Variants in CADM1 observed in about 807,000 individuals in gnomAD.
CADM1 encodes cell adhesion molecule 1.
A neutral mutation model predicts 53.1 loss-of-function variants in CADM1; 15 were observed. The ratio of observed to expected loss-of-function variants is 0.28; its 90% CI spans 0.19 to 0.44. CADM1 has a LOEUF of 0.44. CADM1 is among the 20% of genes least tolerant of loss of function. The pLI, the probability that CADM1 is intolerant of heterozygous loss-of-function variation, is 1.00. For missense variants in CADM1, 434 were observed against 611.3 expected, an observed-to-expected ratio of 0.71 and a Z score of 3.06; for synonymous variants, 281 against 243.0, an observed-to-expected ratio of 1.16 and a Z score of -1.45.
At chr11:115,334,563 TC>T (rs1321583844) in intron 1 of CADM1, among the ~76,000 whole-genome samples, 1 of 152,142 alleles carries the variant, frequency 6.6e-6, no homozygotes, top group African/African-American at 2.4e-5. Flanking sequence ...GTTGTTAATC[TC>T]TTATTGTGCC....
intron 3 of CADM1, among the ~76,000 whole-genome samples, chr11:115,233,245 G>A (rs1417044962): frequency 6.6e-6 from 1 of 152,126 alleles, no homozygotes; most frequent in African/African-American, 2.4e-5. Context: ...TTGCTAATAT[G>A]ATATGGCCCA....
At chr11:115,476,890 A>G (rs966678590) in intron 1 of CADM1, among the ~76,000 whole-genome samples, 7 of 152,246 alleles carry the variant, frequency 4.6e-5, no homozygotes, top group Admixed American at 6.5e-5. Flanking sequence ...ATGACACTCA[A>G]GAAATACATA....
chr11:115,292,104 G>A (rs1943921190), intron 1 of CADM1, among the ~76,000 whole-genome samples: 1 of 152,140 alleles, frequency 6.6e-6, no homozygotes, highest in South Asian at 2.1e-4. Context: ...AACAGCTGGA[G>A]GGGTCATCCA....
intron 1 of CADM1, among the ~76,000 whole-genome samples, chr11:115,483,672 A>G (rs941123002): frequency 6.6e-6 from 1 of 152,212 alleles, no homozygotes; most frequent in African/African-American, 2.4e-5. Context: ...ACCTCCTCTC[A>G]CTAGTTAAAA....
At chr11:115,414,373 A>G (rs551418695) in intron 1 of CADM1, among the ~76,000 whole-genome samples, 49 of 152,306 alleles carry the variant, frequency 3.2e-4, no homozygotes, top group African/African-American at 1.1e-3. Flanking sequence ...GAAACCACTT[A>G]AAAAATTAAT....
intron 1 of CADM1, among the ~76,000 whole-genome samples, chr11:115,381,131 C>A (rs1302279850): frequency 6.6e-6 from 1 of 151,802 alleles, no homozygotes; most frequent in Non-Finnish European, 1.5e-5. Flanking sequence ...CCCATCTCTA[C>A]TAAAAATACA....
At chr11:115,403,619 C>T (rs1030577314) in intron 1 of CADM1, among the ~76,000 whole-genome samples, 8 of 151,792 alleles carry the variant, frequency 5.3e-5, no homozygotes, top group South Asian at 2.1e-4. Flanking sequence ...TTTCTTGAGA[C>T]GGAGTCTCCC....
At chr11:115,305,972 T>C (rs1197953135) in intron 1 of CADM1, among the ~76,000 whole-genome samples, 1 of 149,556 alleles carries the variant, frequency 6.7e-6, no homozygotes, top group African/African-American at 2.5e-5. Flanking sequence ...TTTGATTATA[T>C]AGAATTCCTA....
intron 1 of CADM1, among the ~76,000 whole-genome samples, chr11:115,359,403 G>A (rs560798584): frequency 3.3e-5 from 5 of 152,000 alleles, no homozygotes; most frequent in African/African-American, 9.6e-5. Flanking sequence ...GATATTGCTC[G>A]AGAACCAAGT....
At chr11:115,401,588 A>G (rs1008105835) in intron 1 of CADM1, among the ~76,000 whole-genome samples, 4 of 152,130 alleles carry the variant, frequency 2.6e-5, no homozygotes, top group Admixed American at 2.6e-4. Flanking sequence ...AGCCTAGGTG[A>G]CAGAGCAAGA....
intron 5 of CADM1, among the ~76,000 whole-genome samples, chr11:115,224,895 C>G (rs1392773790): frequency 6.6e-6 from 1 of 152,104 alleles, no homozygotes; most frequent in Non-Finnish European, 1.5e-5. Context: ...TATAATCAAC[C>G]ATGTTGTAAA....
intron 1 of CADM1, among the ~76,000 whole-genome samples, chr11:115,378,738 T>C (rs1391755743): frequency 6.6e-6 from 1 of 152,182 alleles, no homozygotes; most frequent in African/African-American, 2.4e-5. Context: ...TAAAGTTTTA[T>C]TGGAACATAG....
At chr11:115,314,660 TA>T (rs1398711578) in intron 1 of CADM1, among the ~76,000 whole-genome samples, 1 of 152,162 alleles carries the variant, frequency 6.6e-6, no homozygotes, top group Non-Finnish European at 1.5e-5. Flanking sequence ...AGAGTGCCCA[TA>T]ATTTCTGTGC....
chr11:115,482,110 G>A (rs1011273268), intron 1 of CADM1, among the ~76,000 whole-genome samples: 6 of 151,856 alleles, frequency 4.0e-5, no homozygotes, highest in Middle Eastern at 3.2e-3. Context: ...TTGTCTTTCC[G>A]CCCATTATCT....
chr11:115,209,648 G>A lies in CADM1; in HGVS notation c.1004C>T (p.Thr335Ile), dbSNP rs1488063561. ...DYMLYVYDPPTTIPPPTTTTT... is the reference protein window; with the variant it reads ...DYMLYVYDPPITIPPPTTTTT... ...GGTTGTTGTGGGAGGAGGGATAGTT[G>A]TGGGGGGATCTGGATAGAAAAAAAA... Residue 335 changes from threonine to isoleucine, a missense_variant, in exon 8 of 12, where the codon ACA (threonine) becomes ATA (isoleucine). This residue lies in a region of CADM1 where 311 missense variants were observed against 435.1 expected (regional missense o/e 0.71). Transcript: ENST00000331581. The A allele has an allele frequency of 6.2e-7, 1 of 1,613,108 alleles. No individual in the cohort carries two copies.
chr11:115,414,004 CATG>C (rs1947528084), intron 1 of CADM1, among the ~76,000 whole-genome samples: 1 of 152,056 alleles, frequency 6.6e-6, no homozygotes, highest in Non-Finnish European at 1.5e-5. Context: ...CCATCAGTCT[CATG>C]ATATCACACT....
chr11:115,316,225 T>C (rs1944663619), intron 1 of CADM1, among the ~76,000 whole-genome samples: 1 of 152,180 alleles, frequency 6.6e-6, no homozygotes, highest in East Asian at 1.9e-4. Context: ...GGTCAGCAAT[T>C]ACCTTGCATC....
At chr11:115,391,129 T>C (rs1440807020) in intron 1 of CADM1, among the ~76,000 whole-genome samples, 1 of 152,194 alleles carries the variant, frequency 6.6e-6, no homozygotes, top group Non-Finnish European at 1.5e-5. Flanking sequence ...AAGAAATCAG[T>C]GTGAATTAGC....
chr11:115,256,771 TCA>T, intron 1 of CADM1: 1 of 455,954 alleles, frequency 2.2e-6, no homozygotes, highest in Non-Finnish European at 4.4e-6. Flanking sequence ...TGCAATAGGT[TCA>T]CACTTACTCC....
Sources: allele counts gnomAD v4.1 joint callset (sites outside exome capture counted in the v4.1 genomes callset), GRCh38; gene constraint gnomAD v4.1.1; regional missense constraint gnomAD v4.1.1; transcripts MANE v1.5; gene names NCBI Gene and HGNC (gene_info 2026-07-23, HGNC 2026-07-21).